The following IL13RA1 variants were observed in gnomAD, a reference collection of about 807,000 sequenced individuals.
IL13RA1 encodes the protein interleukin 13 receptor subunit alpha 1.
In IL13RA1, 14 loss-of-function variants were observed where a neutral mutation model predicts 33.8. That is an observed-to-expected ratio of 0.41 (90% confidence interval 0.27 to 0.65). The LOEUF is 0.65. Ranked by LOEUF, IL13RA1 falls within the 30% of genes least tolerant of loss-of-function variation. The pLI, the probability that IL13RA1 is intolerant of heterozygous loss-of-function variation, is 0.28. For synonymous variants in IL13RA1, 116 were observed against 115.7 expected (o/e 1.00, Z -0.02); for missense variants, 313 against 327.0 (o/e 0.96, Z 0.33).
At chrX:118,731,334 T>C (rs1170286912) in intron 1 of IL13RA1, among the ~76,000 whole-genome samples, 2 of 111,809 alleles carry the variant, frequency 1.8e-5, no homozygotes, top group Non-Finnish European at 3.8e-5. Context: ...CCCAGCACTT[T>C]GGGAGGCCGA....
At chrX:118,798,886 A>G (rs2018047427), downstream of IL13RA1, among the ~76,000 whole-genome samples, 1 of 112,425 alleles carries the variant, frequency 8.9e-6, no homozygotes, top group Non-Finnish European at 1.9e-5. Context: ...CCGCCGCTGC[A>G]CTGTGGGAGC....
chrX:118,748,636 ACT>A (rs1171351173), intron 3 of IL13RA1, among the ~76,000 whole-genome samples: 1 of 110,387 alleles, frequency 9.1e-6, no homozygotes, highest in Non-Finnish European at 1.9e-5. Context: ...ACAGAGCAAG[ACT>A]CTGTCTCAAA....
intron 10 of IL13RA1, 70 bp downstream of exon 10, chrX:118,776,581 T>A (rs1023907349): frequency 7.5e-5 from 33 of 438,360 alleles, no homozygotes; most frequent in African/African-American, 3.7e-4. Flanking sequence ...TGGCATTTTT[T>A]AAAAAAGTGT....
downstream of IL13RA1, among the ~76,000 whole-genome samples, chrX:118,798,818 T>C (rs1424115129): frequency 8.9e-6 from 1 of 112,832 alleles, no homozygotes; most frequent in Non-Finnish European, 1.9e-5. Context: ...CCTCGCTCGC[T>C]CTCGGCGCCT....
intron 1 of IL13RA1, among the ~76,000 whole-genome samples, chrX:118,733,707 A>G (rs2017249851): frequency 8.9e-6 from 1 of 111,867 alleles, no homozygotes; most frequent in Admixed American, 9.5e-5. Flanking sequence ...ATCCAATGGT[A>G]TGAAGCTTTT....
Position 118,747,059 on chromosome X carries a change from A to T in IL13RA1, c.334A>T (p.Ile112Phe), listed in dbSNP as rs770965893. ...CACCAATGAGAGTGAGAAGCCTAGC[A>T]TTTTGGTTGAAAAATGCATCTCACC... ...CSTNESEKPS[I>F]LVEKCISPPE... The change falls in exon 3 of 11, where the codon ATT (isoleucine) becomes TTT (phenylalanine). Residue 112 changes from isoleucine (I) to phenylalanine (F), a missense_variant. Coordinates refer to ENST00000371666, the MANE Select transcript of IL13RA1 (RefSeq NM_001560.3). 1 of 1,169,462 alleles carries T rather than the reference A, an allele frequency of 8.6e-7. No homozygotes were observed. The highest frequency in any genetic ancestry group is 2.2e-5 in the Admixed American group (1 of 45,363).
intron 10 of IL13RA1, among the ~76,000 whole-genome samples, chrX:118,786,083 TG>T (rs1238191326): frequency 8.9e-6 from 1 of 112,059 alleles, no homozygotes; most frequent in Non-Finnish European, 1.9e-5. Context: ...AGTATTATTC[TG>T]TGGCTCATTT....
rs771587212 is a variant in IL13RA1, at chrX:118,761,309, G to A, written c.828+20G>A. On this transcript the variant is annotated intron_variant, in intron 6 of 10. Coordinates refer to ENST00000371666, the MANE Select transcript of IL13RA1 (RefSeq NM_001560.3). ...TTCTACGTAAGGTTTTAAAATTATTGTTTTTATTTGGCTATTTTTCTTTTA... is the reference window on the plus strand; with the variant it reads ...TTCTACGTAAGGTTTTAAAATTATTATTTTTATTTGGCTATTTTTCTTTTA... 1 of 829,448 alleles carries A rather than the reference G, an allele frequency of 1.2e-6. No homozygotes were observed. The highest frequency in any genetic ancestry group is 1.7e-6 in the Non-Finnish European group (1 of 592,705). 68.4% of individuals were successfully genotyped at this position (829,448 alleles called of 1,213,427 possible).
intron 10 of IL13RA1, among the ~76,000 whole-genome samples, chrX:118,784,804 C>T (rs12008114): frequency 0.026 from 2,933 of 111,643 alleles, 95 homozygotes; most frequent in African/African-American, 0.089. Context: ...TCCTGCGTTG[C>T]GTATCTTAAA....
intron 8 of IL13RA1, among the ~76,000 whole-genome samples, chrX:118,771,914 A>G (rs1299256379): frequency 1.8e-5 from 2 of 111,672 alleles, no homozygotes; most frequent in East Asian, 5.6e-4. Context: ...CGGAGGTTGC[A>G]TTGAGTCGAG....
chrX:118,773,194 T>C (rs1280641473), intron 8 of IL13RA1, among the ~76,000 whole-genome samples: 5 of 112,481 alleles, frequency 4.4e-5, no homozygotes, highest in African/African-American at 1.6e-4. Flanking sequence ...TCTATTTCTA[T>C]AAAATTTTAA....
At position 118,784,088 on chromosome X, in the gene IL13RA1, A is replaced by T. The variant is rs1406744761; in HGVS notation, c.1191+7577A>T. On this transcript the variant is annotated intron_variant, in intron 10 of 10. Coordinates refer to ENST00000371666, the MANE Select transcript of IL13RA1 (RefSeq NM_001560.3). ...TGAGACTCTGTCGCCAAAAAAAAAA[A>T]AAATATATATATATATATATACGTA... Among the ~76,000 whole-genome samples, 112 of 50,765 alleles carry T rather than the reference A, an allele frequency of 2.2e-3. No individual in the cohort carries two copies. The South Asian group carries it at 0.028, about 13-fold the overall frequency. 44.1% of individuals were successfully genotyped at this position (50,765 alleles called of 115,157 possible). A position where few individuals can be genotyped will look rare whatever the true frequency, so the allele number is the denominator to read the frequency against.
At chrX:118,755,650 A>G (rs1458447063) in intron 4 of IL13RA1, among the ~76,000 whole-genome samples, 2 of 112,420 alleles carry the variant, frequency 1.8e-5, no homozygotes, top group Non-Finnish European at 3.8e-5. Flanking sequence ...CCATGAGCAT[A>G]TGCAGAATAC....
the IL13RA1 span, among the ~76,000 whole-genome samples, chrX:118,799,844 C>T: frequency 1.9e-5 from 1 of 52,563 alleles, no homozygotes; most frequent in Admixed American, 2.2e-4. Flanking sequence ...CAATCAGCAC[C>T]TTGTGTTTAG....
At chrX:118,740,691 G>T (rs1603208070) in intron 1 of IL13RA1, among the ~76,000 whole-genome samples, 1 of 112,056 alleles carries the variant, frequency 8.9e-6, no homozygotes, top group African/African-American at 3.3e-5. Flanking sequence ...AACAGGCTAG[G>T]TGAATCACTT....
Position 118,727,649 on chromosome X carries a change from C to A in IL13RA1, c.11C>A (p.Pro4Gln), listed in dbSNP as rs748450698. ...GAGGCGAGAGGCTGCATGGAGTGGC[C>A]GGCGCGGCTCTGCGGGCTGTGGGCG... MEWPARLCGLWALL... is the reference protein window; with the variant it reads MEWQARLCGLWALL... The change falls in exon 1 of 11, where the codon CCG becomes CAG. Residue 4 changes from proline to glutamine, a missense_variant. Transcript: ENST00000371666. 33 of 901,330 alleles carry A rather than the reference C, an allele frequency of 3.7e-5. No individual in the cohort carries two copies. Among genetic ancestry groups the A allele is most frequent in the Non-Finnish European group, 4.4e-5 (32 of 729,992 alleles). The allele number at this position is 901,330 out of a possible 1,213,427, so 74.3% of individuals were successfully genotyped here.
At chrX:118,732,840 TTG>T (rs1370257568) in intron 1 of IL13RA1, among the ~76,000 whole-genome samples, 1 of 111,978 alleles carries the variant, frequency 8.9e-6, no homozygotes, top group Non-Finnish European at 1.9e-5. Flanking sequence ...GTCTTTGCTA[TTG>T]TGAGTAGTGC....
chrX:118,804,825 C>T, the IL13RA1 span, among the ~76,000 whole-genome samples: 1 of 112,097 alleles, frequency 8.9e-6, no homozygotes, highest in Non-Finnish European at 1.9e-5. Context: ...ACCCAATTGT[C>T]CCACAGAGCT....
At chrX:118,757,795 A>G (rs2017549059) in intron 4 of IL13RA1, among the ~76,000 whole-genome samples, 1 of 97,794 alleles carries the variant, frequency 1.0e-5, no homozygotes, top group Non-Finnish European at 2.0e-5. Flanking sequence ...GGTTCAAGAG[A>G]TTCTCCTTCC....
Sources: allele counts gnomAD v4.1 joint callset (sites outside exome capture counted in the v4.1 genomes callset), GRCh38; gene constraint gnomAD v4.1.1; transcripts MANE v1.5; gene names NCBI Gene and HGNC (gene_info 2026-07-23, HGNC 2026-07-21).